PPP2R3A: variants seen among roughly 807,000 people sequenced by gnomAD.
PPP2R3A encodes the protein serine/threonine-protein phosphatase 2A regulatory subunit B'' subunit alpha.
Under a neutral mutation model 106.9 loss-of-function variants are expected in PPP2R3A, and 80 were observed. The observed-to-expected ratio is 0.75, with a 90% CI of 0.62 to 0.90. The LOEUF (loss-of-function observed/expected upper bound fraction) is 0.90, where lower values mean the gene tolerates loss of function less well. Among genes scored for constraint, PPP2R3A ranks in the 40% least tolerant of loss-of-function variants. PPP2R3A has a pLI of 0.00. For missense variants in PPP2R3A, 1,386 were observed against 1,350.4 expected, an observed-to-expected ratio of 1.03 and a Z score of -0.41; for synonymous variants, 483 against 468.3, an observed-to-expected ratio of 1.03 and a Z score of -0.41.
At chr3:136,013,974 T>C (rs1383890766) in intron 2 of PPP2R3A, among the ~76,000 whole-genome samples, 1 of 152,176 alleles carries the variant, frequency 6.6e-6, no homozygotes, top group Admixed American at 6.5e-5. Flanking sequence ...TGGTTTCAGG[T>C]CTTAGATTTA....
intron 13 of PPP2R3A, among the ~76,000 whole-genome samples, chr3:136,127,046 C>T (rs1213469841): frequency 1.3e-5 from 2 of 152,192 alleles, no homozygotes; most frequent in Non-Finnish European, 2.9e-5. Flanking sequence ...GATAAAACCA[C>T]AAAGATGGGG....
At chr3:136,107,967 C>T (rs1400027068) in intron 13 of PPP2R3A, among the ~76,000 whole-genome samples, 1 of 152,156 alleles carries the variant, frequency 6.6e-6, no homozygotes, top group East Asian at 1.9e-4. Flanking sequence ...AATCCCAGCA[C>T]TTTGGGAGGC....
At chr3:136,046,543 C>T (rs1344383201) in intron 4 of PPP2R3A, among the ~76,000 whole-genome samples, 1 of 151,730 alleles carries the variant, frequency 6.6e-6, no homozygotes. Context: ...TGGCTATACT[C>T]AGCTTGCACC....
At chr3:136,065,395 ATGTT>A (rs1303334160) in intron 5 of PPP2R3A, among the ~76,000 whole-genome samples, 2 of 152,154 alleles carry the variant, frequency 1.3e-5, no homozygotes, top group Non-Finnish European at 2.9e-5. Context: ...GGTTAGTAGA[ATGTT>A]TGTTTATATA....
Position 136,145,435 on chromosome 3 carries a change from C to G in PPP2R3A, c.*269C>G, listed in dbSNP as rs1939079573. On this transcript the variant is annotated 3_prime_UTR_variant, in exon 14 of 14. Transcript: ENST00000264977. ...CAGCACTCTACACTCTTGAATGTAC[C>G]AAGGATCTCTTGGCGACAGTACCAA... The G allele has an allele frequency of 8.2e-6, 2 of 243,972 alleles. No homozygotes were observed. Among genetic ancestry groups the G allele is most frequent in the Admixed American group, 1.1e-4 (2 of 18,700 alleles). 15.1% of individuals were successfully genotyped at this position (243,972 alleles called of 1,614,324 possible).
chr3:135,974,191 T>G (rs1375236605), intron 1 of PPP2R3A, among the ~76,000 whole-genome samples: 1 of 152,200 alleles, frequency 6.6e-6, no homozygotes, highest in East Asian at 1.9e-4. Flanking sequence ...CTCATGATCT[T>G]CCTGACGCCT....
At chr3:136,144,977 CA>C (rs1939052417) in intron 13 of PPP2R3A, 65 bp from the exon 14 acceptor site, 2 of 1,549,442 alleles carry the variant, frequency 1.3e-6, no homozygotes, top group Admixed American at 3.7e-5. Flanking sequence ...TCGGATTTGC[CA>C]TATTGATTTC....
chr3:136,029,290 C>CT (rs1934780737), intron 3 of PPP2R3A, among the ~76,000 whole-genome samples: 1 of 152,192 alleles, frequency 6.6e-6, no homozygotes, highest in South Asian at 2.1e-4. Context: ...CCTTCTTCCT[C>CT]TGAATATTCC....
chr3:135,977,716 T>TTTTTTTA (rs1366300799), intron 1 of PPP2R3A, among the ~76,000 whole-genome samples: 1 of 131,288 alleles, frequency 7.6e-6, no homozygotes. Context: ...TTTTTTTTTT[T>TTTTTTTA]GAGATAAGAG....
intron 1 of PPP2R3A, among the ~76,000 whole-genome samples, chr3:135,975,597 T>C (rs1937396593): frequency 6.6e-6 from 1 of 152,194 alleles, no homozygotes; most frequent in Admixed American, 6.5e-5. Context: ...AATAGTGCTA[T>C]GAAGAAAATA....
At chr3:136,023,165 GT>G in intron 2 of PPP2R3A, 1 of 1,613,420 alleles carries the variant, frequency 6.2e-7, no homozygotes, top group Non-Finnish European at 8.5e-7. Context: ...TCCCTTCACG[GT>G]TTAAGAAGCG....
At chr3:136,020,355 GTC>G (rs1321087296) in intron 2 of PPP2R3A, among the ~76,000 whole-genome samples, 16 of 152,094 alleles carry the variant, frequency 1.1e-4, no homozygotes, top group Admixed American at 6.5e-4. Flanking sequence ...CTGAGAATGA[GTC>G]TCATACATAT....
At chr3:135,987,123 A>C (rs1160069710) in intron 1 of PPP2R3A, among the ~76,000 whole-genome samples, 1 of 152,110 alleles carries the variant, frequency 6.6e-6, no homozygotes, top group African/African-American at 2.4e-5. Flanking sequence ...AAACACCTTC[A>C]CTGGGCTTCT....
intron 4 of PPP2R3A, among the ~76,000 whole-genome samples, chr3:136,045,994 G>A (rs1188037298): frequency 3.3e-5 from 5 of 152,072 alleles, no homozygotes; most frequent in Non-Finnish European, 7.4e-5. Context: ...GACCAGCCTA[G>A]GTAACATGGC....
chr3:135,976,034 T>C (rs569314064), intron 1 of PPP2R3A, among the ~76,000 whole-genome samples: 1 of 152,272 alleles, frequency 6.6e-6, no homozygotes, highest in East Asian at 1.9e-4. Flanking sequence ...TCTAAAGTTT[T>C]TGATTATTTG....
chr3:136,134,880 C>G (rs899602132), intron 13 of PPP2R3A, among the ~76,000 whole-genome samples: 2 of 151,962 alleles, frequency 1.3e-5, no homozygotes, highest in Non-Finnish European at 2.9e-5. Flanking sequence ...GGAGTATACC[C>G]TTCTATACAT....
At chr3:136,135,307 C>T (rs1576337743) in intron 13 of PPP2R3A, among the ~76,000 whole-genome samples, 2 of 151,950 alleles carry the variant, frequency 1.3e-5, no homozygotes, top group East Asian at 1.9e-4. Context: ...GGCAAGGAGG[C>T]TTACAACAGC....
intron 13 of PPP2R3A, among the ~76,000 whole-genome samples, chr3:136,140,869 C>T (rs987798037): frequency 6.6e-6 from 1 of 152,112 alleles, no homozygotes; most frequent in Non-Finnish European, 1.5e-5. Flanking sequence ...GAGATCACGC[C>T]GTTGCCCTCC....
At chr3:135,975,662 G>T (rs6810223) in intron 1 of PPP2R3A, among the ~76,000 whole-genome samples, 44,102 of 151,770 alleles carry the variant, frequency 0.29, 6,715 homozygotes, top group Non-Finnish European at 0.32. Context: ...CAATTTTTCC[G>T]TGTTTTAAAC....
Sources: gnomAD v4.1 joint callset for allele counts (sites outside exome capture counted in the v4.1 genomes callset) on GRCh38, gnomAD v4.1.1 for gene constraint, MANE v1.5 for transcripts, NCBI Gene and HGNC (gene_info 2026-07-23, HGNC 2026-07-21) for gene names.